RGS17: variants seen among roughly 807,000 people sequenced by gnomAD.
RGS17 encodes the protein regulator of G-protein signaling 17.
In RGS17, 12 loss-of-function variants were observed where a neutral mutation model predicts 25.5. The ratio of observed to expected loss-of-function variants is 0.47; its 90% CI spans 0.30 to 0.76. The LOEUF (loss-of-function observed/expected upper bound fraction) is 0.76. RGS17 is among the 30% of genes least tolerant of loss of function. The pLI, the probability that RGS17 is intolerant of heterozygous loss-of-function variation, is 0.07. For synonymous variants in RGS17, 71 were observed against 76.9 expected (o/e 0.92, Z 0.40); for missense variants, 196 against 242.2 (o/e 0.81, Z 1.27).
intron 4 of RGS17, among the ~76,000 whole-genome samples, chr6:153,015,746 C>T (rs1197798479): frequency 2.0e-5 from 3 of 151,832 alleles, no homozygotes; most frequent in East Asian, 3.9e-4. Context: ...CTCCGCCTCC[C>T]GGGTTCACGC....
chr6:153,065,218 G>A (rs1412071047), intron 1 of RGS17, among the ~76,000 whole-genome samples: 10 of 152,122 alleles, frequency 6.6e-5, no homozygotes, highest in African/African-American at 2.4e-5. Flanking sequence ...ACTATATAAT[G>A]ATAAAGAGGG....
intron 1 of RGS17, among the ~76,000 whole-genome samples, chr6:153,088,290 C>G (rs1777079561): frequency 6.6e-6 from 1 of 152,170 alleles, no homozygotes; most frequent in Non-Finnish European, 1.5e-5. Context: ...CCCATAGGAA[C>G]TGTGAGATAG....
intron 1 of RGS17, among the ~76,000 whole-genome samples, chr6:153,098,247 C>T (rs983913089): frequency 6.6e-6 from 1 of 151,978 alleles, no homozygotes; most frequent in African/African-American, 2.4e-5. Context: ...AGGGGGTGAC[C>T]TTAGTCAGGA....
At chr6:153,025,675 CAT>C (rs1037862311) in intron 3 of RGS17, among the ~76,000 whole-genome samples, 2 of 139,326 alleles carry the variant, frequency 1.4e-5, no homozygotes, top group Non-Finnish European at 3.1e-5. Flanking sequence ...TATATATAAA[CAT>C]ATATATAAAC....
chr6:153,005,310 C>A lies in RGS17; in HGVS notation c.*6264G>T, dbSNP rs924343223. 1.3e-5 allele frequency: 2 copies of A among 152,116 alleles called. No homozygotes were observed. The highest frequency in any genetic ancestry group is 1.9e-4 in the East Asian group (1 of 5,196). 9.4% of individuals were successfully genotyped at this position (152,116 alleles called of 1,614,324 possible). On this transcript the variant is annotated 3_prime_UTR_variant, in exon 5 of 5. Transcript: ENST00000206262. Reference sequence around the variant, plus strand: ...TAGGTGAATATTCAGGCTAAGACTTCTGGAGTTTTATTTTTCCACTTCACT... The same window carrying A: ...TAGGTGAATATTCAGGCTAAGACTTATGGAGTTTTATTTTTCCACTTCACT...
At chr6:153,048,608 C>T (rs1776415675) in intron 1 of RGS17, among the ~76,000 whole-genome samples, 1 of 152,198 alleles carries the variant, frequency 6.6e-6, no homozygotes, top group South Asian at 2.1e-4. Flanking sequence ...TTGTCTGTTT[C>T]AATCACAATG....
In RGS17 at chr6:153,027,687, G is replaced by A. The variant is rs138777982; in HGVS notation, c.120-1144C>T. On this transcript the variant is annotated intron_variant, in intron 2 of 4. Transcript: ENST00000206262. The stretch of plus-strand genomic sequence containing the variant: ...GCAAAGTGAGGTGCAGACCCGTCTG[G>A]GAGGCTGGCCCAAAACCGAACACTA... Among the ~76,000 whole-genome samples, 5 of 152,216 alleles carry A rather than the reference G, an allele frequency of 3.3e-5. No homozygotes were observed. In the East Asian group the frequency reaches 9.7e-4, roughly 29 times the overall value.
intron 1 of RGS17, among the ~76,000 whole-genome samples, chr6:153,098,255 G>T (rs181892551): frequency 2.6e-5 from 4 of 152,232 alleles, no homozygotes; most frequent in Middle Eastern, 3.4e-3. Context: ...ACCTTAGTCA[G>T]GAGGAGTTCC....
chr6:153,092,137 AT>A (rs1777141465), intron 1 of RGS17, among the ~76,000 whole-genome samples: 1 of 152,306 alleles, frequency 6.6e-6, no homozygotes, highest in Admixed American at 6.5e-5. Flanking sequence ...TACTCTTTGA[AT>A]TTTTGTCTTT....
At chr6:153,016,219 T>A (rs140393962) in intron 4 of RGS17, among the ~76,000 whole-genome samples, 13 of 152,234 alleles carry the variant, frequency 8.5e-5, no homozygotes, top group African/African-American at 2.2e-4. Flanking sequence ...AAGCACAGAA[T>A]ATTTTTCCCC....
chr6:153,014,524 C>T (rs994358378), intron 4 of RGS17, among the ~76,000 whole-genome samples: 5 of 152,134 alleles, frequency 3.3e-5, no homozygotes, highest in Admixed American at 2.0e-4. Flanking sequence ...AGAGGCCAGG[C>T]GCGGTGGCTC....
chr6:153,053,528 G>A (rs1384343983), intron 1 of RGS17, among the ~76,000 whole-genome samples: 6 of 152,126 alleles, frequency 3.9e-5, no homozygotes, highest in Non-Finnish European at 5.9e-5. Flanking sequence ...GGCAGAGCAC[G>A]GTGGCTCATA....
chr6:153,019,971 T>C (rs1298422368), intron 4 of RGS17, among the ~76,000 whole-genome samples: 1 of 151,190 alleles, frequency 6.6e-6, no homozygotes, highest in Non-Finnish European at 1.5e-5. Context: ...AAGACATCAC[T>C]TTTAAAAAAT....
intron 1 of RGS17, among the ~76,000 whole-genome samples, chr6:153,053,948 A>C (rs1776499434): frequency 1.8e-5 from 1 of 56,774 alleles, no homozygotes; most frequent in Non-Finnish European, 2.8e-5. Flanking sequence ...TATATAATAT[A>C]TATACATATA....
At chr6:153,079,034 T>C (rs1776929477) in intron 1 of RGS17, among the ~76,000 whole-genome samples, 1 of 152,148 alleles carries the variant, frequency 6.6e-6, no homozygotes, top group Non-Finnish European at 1.5e-5. Flanking sequence ...TTTCTCACCT[T>C]ATTACACTGG....
chr6:153,012,433 A>G (rs997988631), intron 4 of RGS17, among the ~76,000 whole-genome samples: 2 of 152,230 alleles, frequency 1.3e-5, no homozygotes, highest in Non-Finnish European at 2.9e-5. Context: ...GGAATGCAGA[A>G]TGACCATTAA....
chr6:153,094,618 A>G (rs1389378342), intron 1 of RGS17, among the ~76,000 whole-genome samples: 1 of 152,200 alleles, frequency 6.6e-6, no homozygotes, highest in Non-Finnish European at 1.5e-5. Context: ...CTTCAACATA[A>G]TAATTTTAAT....
intron 2 of RGS17, among the ~76,000 whole-genome samples, chr6:153,030,257 A>G (rs1779346781): frequency 6.6e-6 from 1 of 152,176 alleles, no homozygotes; most frequent in Non-Finnish European, 1.5e-5. Flanking sequence ...ACCTGCTGCC[A>G]ATTATACAGT....
intron 2 of RGS17, among the ~76,000 whole-genome samples, chr6:153,041,658 T>C (rs546961926): frequency 6.6e-6 from 1 of 152,342 alleles, no homozygotes; most frequent in East Asian, 1.9e-4. Context: ...AGGAAAATCA[T>C]ATACCGATTA....
Sources: gnomAD v4.1 joint callset for allele counts (sites outside exome capture counted in the v4.1 genomes callset) on GRCh38, gnomAD v4.1.1 for gene constraint, MANE v1.5 for transcripts, NCBI Gene and HGNC (gene_info 2026-07-23, HGNC 2026-07-21) for gene names.